The following NCKAP5 variants were observed in gnomAD, a reference collection of about 807,000 sequenced individuals.
NCKAP5 encodes the protein NCK associated protein 5.
In NCKAP5, 92 loss-of-function variants were observed where a neutral mutation model predicts 167.0. The observed-to-expected ratio is 0.55, with a 90% CI of 0.47 to 0.66. The LOEUF (loss-of-function observed/expected upper bound fraction) is 0.66. Ranked by LOEUF, NCKAP5 falls within the 30% of genes least tolerant of loss-of-function variation. The pLI, the probability that NCKAP5 is intolerant of heterozygous loss-of-function variation, is 0.00. For synonymous variants in NCKAP5, 891 were observed against 877.4 expected (o/e 1.02, Z -0.27); for missense variants, 2,378 against 2,315.0 (o/e 1.03, Z -0.56).
chr2:133,426,533 T>C (rs1689818268), intron 3 of NCKAP5, among the ~76,000 whole-genome samples: 1 of 150,904 alleles, frequency 6.6e-6, no homozygotes, highest in South Asian at 2.1e-4. Flanking sequence ...ACAGACACTA[T>C]AAGAAAACTG....
chr2:133,119,338 TC>T (rs949238424), intron 6 of NCKAP5, among the ~76,000 whole-genome samples: 2 of 152,062 alleles, frequency 1.3e-5, no homozygotes, highest in African/African-American at 4.8e-5. Flanking sequence ...ATTGTATCTA[TC>T]CCACTGGCTC....
chr2:133,462,950 C>A lies in NCKAP5; in HGVS notation c.69+54508G>T, dbSNP rs574674522. Among the ~76,000 whole-genome samples the A allele has an allele frequency of 1.1e-4, 16 of 152,338 alleles. No homozygotes were observed. In the South Asian group the frequency reaches 3.1e-3, roughly 30 times the overall value. The stretch of plus-strand genomic sequence containing the variant: ...GTTTCACCTGTGAAACAGTTCTCTG[C>A]CACTGCTGACTTCACCGAATATCTT... On this transcript the variant is annotated intron_variant, in intron 3 of 19. Transcript: ENST00000409261.
At chr2:133,182,703 C>G (rs112498235) in intron 5 of NCKAP5, among the ~76,000 whole-genome samples, 9 of 151,826 alleles carry the variant, frequency 5.9e-5, no homozygotes, top group African/African-American at 9.7e-5. Flanking sequence ...GTTCCCAACT[C>G]AAAAACAGAA....
chr2:133,606,146 A>AC, the NCKAP5 span, among the ~76,000 whole-genome samples: 262 of 152,030 alleles, frequency 1.7e-3, 1 homozygote, highest in African/African-American at 5.2e-3. Context: ...CTTCAAAAAA[A>AC]ATTGAAGGCA....
intron 3 of NCKAP5, among the ~76,000 whole-genome samples, chr2:133,447,495 C>CTTCCCTTCCTTTCCCCTTCCT (rs1691275491): frequency 7.1e-6 from 1 of 141,398 alleles, no homozygotes; most frequent in Admixed American, 7.2e-5. Context: ...TTCCCCTTCT[C>CTTCCCTTCCTTTCCCCTTCCT]TTCCCTTCCT....
intron 6 of NCKAP5, among the ~76,000 whole-genome samples, chr2:133,005,102 G>A (rs1311527090): frequency 6.6e-6 from 1 of 152,072 alleles, no homozygotes; most frequent in Non-Finnish European, 1.5e-5. Flanking sequence ...AACAATTTTT[G>A]CAGTTAACAC....
chr2:133,352,376 C>T (rs1684422269), intron 3 of NCKAP5, among the ~76,000 whole-genome samples: 1 of 152,198 alleles, frequency 6.6e-6, no homozygotes, highest in African/African-American at 2.4e-5. Flanking sequence ...ATAAATACAT[C>T]TTGAATGAAT....
chr2:132,814,500 G>T (rs1686114028), intron 11 of NCKAP5, among the ~76,000 whole-genome samples: 1 of 152,148 alleles, frequency 6.6e-6, no homozygotes, highest in African/African-American at 2.4e-5. Context: ...GCAAATGGCA[G>T]TTTCCAGCTA....
In NCKAP5 at chr2:133,553,133, G is replaced by A. The variant is rs140708556; in HGVS notation, c.-62+5917C>T. Among the ~76,000 whole-genome samples, 192 of 152,274 alleles carry A rather than the reference G, an allele frequency of 1.3e-3. 1 individual carries two copies. The highest frequency in any genetic ancestry group is 4.1e-3 in the African/African-American group (169 of 41,546). On this transcript the variant is annotated intron_variant, in intron 2 of 19. Coordinates refer to ENST00000409261, the MANE Select transcript of NCKAP5 (RefSeq NM_207363.3). The stretch of plus-strand genomic sequence containing the variant: ...ATGATAAAATAAATAAAAAGTAAAC[G>A]GGCAGGATATAAGTGGGAAAATAAT...
intron 6 of NCKAP5, among the ~76,000 whole-genome samples, chr2:133,044,541 A>C (rs1361207321): frequency 6.6e-6 from 1 of 152,184 alleles, no homozygotes; most frequent in Non-Finnish European, 1.5e-5. Context: ...TGTCACAAAC[A>C]ATAGATGGAC....
At chr2:133,404,466 T>C (rs1003825559) in intron 3 of NCKAP5, among the ~76,000 whole-genome samples, 5 of 152,196 alleles carry the variant, frequency 3.3e-5, no homozygotes, top group African/African-American at 1.2e-4. Context: ...GAAGTAGGCA[T>C]AGTAAAAGAT....
chr2:133,649,116 G>A, the NCKAP5 span, among the ~76,000 whole-genome samples: 1 of 151,472 alleles, frequency 6.6e-6, no homozygotes, highest in East Asian at 1.9e-4. Flanking sequence ...ACAACTATAT[G>A]CCAACAAACT....
At chr2:133,581,438 T>C in the NCKAP5 span, among the ~76,000 whole-genome samples, 1 of 152,188 alleles carries the variant, frequency 6.6e-6, no homozygotes, top group Non-Finnish European at 1.5e-5. Context: ...GAGCCCCAGG[T>C]GTCAGTTTGG....
intron 15 of NCKAP5, among the ~76,000 whole-genome samples, chr2:132,776,490 A>G (rs1682559726): frequency 6.6e-6 from 1 of 152,198 alleles, no homozygotes. Flanking sequence ...AAGAACTGAG[A>G]TGGTGAACAA....
In NCKAP5 at chr2:132,673,189, C is replaced by T; in HGVS notation, c.*100G>A. On this transcript the variant is annotated 3_prime_UTR_variant, in exon 20 of 20. Coordinates refer to ENST00000409261, the MANE Select transcript of NCKAP5 (RefSeq NM_207363.3). Reference sequence around the variant, plus strand: ...GTCCTTCAACCTTGTTCAGAGAGTTCTTCTCTTTTTCTAATAAAATCACAG... The same window carrying T: ...GTCCTTCAACCTTGTTCAGAGAGTTTTTCTCTTTTTCTAATAAAATCACAG... The T allele has an allele frequency of 7.1e-7, 1 of 1,413,366 alleles. No homozygotes were observed. The highest frequency in any genetic ancestry group is 9.2e-7 in the Non-Finnish European group (1 of 1,086,252). 87.6% of individuals were successfully genotyped at this position (1,413,366 alleles called of 1,614,324 possible).
At chr2:133,417,724 A>C (rs1689211981) in intron 3 of NCKAP5, among the ~76,000 whole-genome samples, 2 of 152,138 alleles carry the variant, frequency 1.3e-5, no homozygotes, top group African/African-American at 4.8e-5. Context: ...CTGGGAGCAA[A>C]GGCTAAATAG....
At chr2:133,446,609 C>T (rs1691209305) in intron 3 of NCKAP5, among the ~76,000 whole-genome samples, 1 of 152,128 alleles carries the variant, frequency 6.6e-6, no homozygotes. Flanking sequence ...TGTATGAGCA[C>T]CATGCTCTGC....
chr2:133,289,730 A>AAAC, intron 4 of NCKAP5, among the ~76,000 whole-genome samples: 1 of 152,008 alleles, frequency 6.6e-6, no homozygotes, highest in South Asian at 2.1e-4. Context: ...AACAAACAAA[A>AAAC]AAAAACAGCA....
chr2:133,108,364 T>C (rs1401416387), intron 6 of NCKAP5, among the ~76,000 whole-genome samples: 1 of 152,152 alleles, frequency 6.6e-6, no homozygotes, highest in African/African-American at 2.4e-5. Flanking sequence ...ATAACAGTCT[T>C]CCACGGAGTC....
Sources: gnomAD v4.1 joint callset for allele counts (sites outside exome capture counted in the v4.1 genomes callset) on GRCh38, gnomAD v4.1.1 for gene constraint, MANE v1.5 for transcripts, NCBI Gene and HGNC (gene_info 2026-07-23, HGNC 2026-07-21) for gene names.